The following ZNF624 variants were observed in gnomAD, a reference collection of about 807,000 sequenced individuals.
The protein encoded by ZNF624 is zinc finger protein 624.
In ZNF624, 43 loss-of-function variants were observed where a neutral mutation model predicts 74.7. That is an observed-to-expected ratio of 0.58 (90% confidence interval 0.45 to 0.74). ZNF624 has a LOEUF of 0.74. Ranked by LOEUF, ZNF624 falls within the 30% of genes least tolerant of loss-of-function variation. The pLI is 0.00. For synonymous variants in ZNF624, 331 were observed against 341.3 expected (o/e 0.97, Z 0.33); for missense variants, 820 against 1,030.0 (o/e 0.80, Z 2.79).
rs986875981 is a variant in ZNF624 at position 16,649,317 on chromosome 17, T to C, written c.87+341A>G. Reference sequence around the variant, plus strand: ...TATATTTTCCCCATAATTTCCTATATAAAATTTTCCAATTGAAAAATATTC... The same window carrying C: ...TATATTTTCCCCATAATTTCCTATACAAAATTTTCCAATTGAAAAATATTC... On this transcript the variant is annotated intron_variant, in intron 2 of 5. Transcript: ENST00000311331. Among the ~76,000 whole-genome samples the C allele has an allele frequency of 7.9e-5, 12 of 152,312 alleles. No homozygotes were observed. In the South Asian group the frequency reaches 1.4e-3, roughly 18 times the overall value.
At chr17:16,617,749 A>T (rs1229809199), downstream of ZNF624, 5 of 1,604,322 alleles carry the variant, frequency 3.1e-6, no homozygotes, top group Non-Finnish European at 4.3e-6. Context: ...GTGTCGCGGG[A>T]GTCCTCGAAC....
downstream of ZNF624, chr17:16,617,534 G>C: frequency 6.3e-7 from 1 of 1,580,168 alleles, no homozygotes; most frequent in South Asian, 1.1e-5. Context: ...AGACTAGAAA[G>C]ATTTTCTACA....
rs758983980 is a variant in ZNF624 at position 16,623,514 on chromosome 17, T to C, written c.1372A>G (p.Ile458Val). ...TGAATCCTCTGATGCACATTAAAAA[T>C]TGTGGTATTCTTAAAAGACTTCCCA... Reference protein sequence around the residue: ...ECGKSFKNTTIFNVHQRIHTG... With the variant: ...ECGKSFKNTTVFNVHQRIHTG... The change falls in exon 6 of 6, where the codon ATT becomes GTT. Residue 458 changes from isoleucine (I) to valine (V), a missense_variant. Transcript: ENST00000311331. This position sits in a 1 kb window ranked among gnomAD's most constrained non-coding sequence, Gnocchi z 5.3. 10 of 1,610,034 alleles carry C rather than the reference T, an allele frequency of 6.2e-6. No homozygotes were observed. The highest frequency in any genetic ancestry group is 8.5e-6 in the Non-Finnish European group (10 of 1,178,784).
In ZNF624 at chr17:16,622,165, T is replaced by C; in HGVS notation, c.*123A>G. 1 of 648,110 alleles carries C rather than the reference T, an allele frequency of 1.5e-6. No homozygotes were observed. 40.1% of individuals were successfully genotyped at this position (648,110 alleles called of 1,614,324 possible). A position where few individuals can be genotyped will look rare whatever the true frequency, so the allele number is the denominator to read the frequency against. ...ATTATTAAATGATTTCCCACATAAT[T>C]GCTTATAGTTTCTCTGTATACTTTC... On this transcript the variant is annotated 3_prime_UTR_variant, in exon 6 of 6. Coordinates refer to ENST00000311331, the MANE Select transcript of ZNF624 (RefSeq NM_020787.4).
At position 16,623,260 on chromosome 17, in the gene ZNF624, G is replaced by A; in HGVS notation, c.1626C>T (p.Cys542=). 6.2e-7 allele frequency: 1 copy of A among 1,613,748 alleles called. No homozygotes were observed. The highest frequency in any genetic ancestry group is 8.5e-7 in the Non-Finnish European group (1 of 1,179,828). Reference sequence around the variant, plus strand: ...TATGCATTCTGTGGTGTACAGTAAGGCATGAATAATTAATGAATGCTTTCC... The same window carrying A: ...TATGCATTCTGTGGTGTACAGTAAGACATGAATAATTAATGAATGCTTTCC... The part of the protein sequence containing the change: ...ECGKAFINYS[C]LTVHHRMHTG... Residue 542 remains cysteine (C), a synonymous_variant, in exon 6 of 6, where the codon TGC becomes TGT. Coordinates refer to ENST00000311331, the MANE Select transcript of ZNF624 (RefSeq NM_020787.4). This position sits in a 1 kb window ranked among gnomAD's most constrained non-coding sequence, Gnocchi z 5.3.
In ZNF624 at chr17:16,624,717, C is replaced by T. The variant is rs9907785; in HGVS notation, c.377-208G>A. On this transcript the variant is annotated intron_variant, in intron 5 of 5. Coordinates refer to ENST00000311331, the MANE Select transcript of ZNF624 (RefSeq NM_020787.4). ...AGTAGCAAATTCAATGAAACTTTCC[C>T]GTTAAAAAAGTCCATTCAGCTGGGC... 101,214 of 484,608 alleles carry T rather than the reference C, an allele frequency of 0.21. 11,802 individuals are homozygous for T. Among genetic ancestry groups the T allele is most frequent in the East Asian group, 0.36 (10,338 of 28,960 alleles). 30.0% of individuals were successfully genotyped at this position (484,608 alleles called of 1,614,324 possible). A position where few individuals can be genotyped will look rare whatever the true frequency, so the allele number is the denominator to read the frequency against.
intron 1 of ZNF624, among the ~76,000 whole-genome samples, chr17:16,651,131 T>C (rs1047384805): frequency 7.9e-5 from 12 of 151,658 alleles, no homozygotes; most frequent in African/African-American, 2.4e-4. Context: ...ATCAAGAAAA[T>C]ATGTAAATAT....
chr17:16,651,429 CAAAA>C (rs34186812), intron 1 of ZNF624, among the ~76,000 whole-genome samples: 2 of 84,378 alleles, frequency 2.4e-5, no homozygotes, highest in African/African-American at 3.9e-5. Context: ...GACTCCATCT[CAAAA>C]AAAAAAAAAA....
At chr17:16,647,523 G>A (rs1909622359) in intron 2 of ZNF624, 129 bp from the exon 3 acceptor site, 3 of 701,752 alleles carry the variant, frequency 4.3e-6, no homozygotes, top group East Asian at 2.5e-5. Context: ...GTTTTACTTA[G>A]GGCTGAAATC....
At chr17:16,640,276 A>G (rs1263346947) in intron 3 of ZNF624, among the ~76,000 whole-genome samples, 3 of 152,188 alleles carry the variant, frequency 2.0e-5, no homozygotes, top group African/African-American at 7.2e-5. Flanking sequence ...AACAGTGCTC[A>G]GAGGGAAATT....
intron 5 of ZNF624, among the ~76,000 whole-genome samples, chr17:16,625,545 T>TG (rs1472100564): frequency 6.6e-6 from 1 of 152,218 alleles, no homozygotes; most frequent in Non-Finnish European, 1.5e-5. Context: ...TCAAATTCAC[T>TG]GGCAGAGTAG....
intron 1 of ZNF624, among the ~76,000 whole-genome samples, chr17:16,652,324 T>C (rs999146423): frequency 6.6e-6 from 1 of 151,998 alleles, no homozygotes; most frequent in Non-Finnish European, 1.5e-5. Context: ...GCCAAGAATA[T>C]TGCCCCATCC....
In ZNF624 at chr17:16,647,097, C is replaced by T. The variant is rs139745678; in HGVS notation, c.153+232G>A. On this transcript the variant is annotated intron_variant, in intron 3 of 5. Coordinates refer to ENST00000311331, the MANE Select transcript of ZNF624 (RefSeq NM_020787.4). ...ACAATGCAGCACAAGCTTCAGACTACGTAATGATAGGATATTTTACCATTA... is the reference window on the plus strand; with the variant it reads ...ACAATGCAGCACAAGCTTCAGACTATGTAATGATAGGATATTTTACCATTA... Among the ~76,000 whole-genome samples the T allele has an allele frequency of 3.0e-3, 453 of 152,220 alleles. 3 individuals carry two copies. The highest frequency in any genetic ancestry group is 0.011 in the African/African-American group (440 of 41,532).
Position 16,622,340 on chromosome 17 carries a change from G to A in ZNF624, c.2546C>T (p.Ser849Leu), listed in dbSNP as rs759933008. 1.1e-5 allele frequency: 17 copies of A among 1,610,058 alleles called. No homozygotes were observed. Among genetic ancestry groups the A allele is most frequent in the East Asian group, 4.5e-5 (2 of 44,882 alleles). The change falls in exon 6 of 6, where the codon TCG becomes TTG. Residue 849 changes from serine to leucine, a missense_variant. Ser to Leu is a moderately radical substitution (Grantham distance 145). Coordinates refer to ENST00000311331, the MANE Select transcript of ZNF624 (RefSeq NM_020787.4). ...TATTCTTTGATGTACAGTAAGGCTC[G>A]AACTACTCCTGAAGGCTTTTCCACA... is the stretch of plus-strand genomic sequence containing the variant. Reference protein sequence around the residue: ...NECGKAFRSSSSLTVHQRIHQ... With the variant: ...NECGKAFRSSLSLTVHQRIHQ...
intron 3 of ZNF624, among the ~76,000 whole-genome samples, chr17:16,641,999 C>T (rs1021406255): frequency 2.0e-5 from 3 of 152,016 alleles, no homozygotes; most frequent in Admixed American, 2.0e-4. Flanking sequence ...CTGAAAGAAA[C>T]TAAAGAATAC....
rs79216753 is a variant in ZNF624 at position 16,624,638 on chromosome 17, G to A, written c.377-129C>T. 4.0e-4 allele frequency: 339 copies of A among 856,690 alleles called. 1 individual carries two copies. The African/African-American group carries it at 5.4e-3, about 14-fold the overall frequency. The allele number at this position is 856,690 out of a possible 1,614,324, so 53.1% of individuals were successfully genotyped here. A position where few individuals can be genotyped will look rare whatever the true frequency, so the allele number is the denominator to read the frequency against. ...GTTTTAATTGCTTTCACACTGACTT[G>A]TTTTTTAGTGAGAAGAAGGTAGGGT... On this transcript the variant is annotated intron_variant, in intron 5 of 5. Transcript: ENST00000311331.
the ZNF624 span, among the ~76,000 whole-genome samples, chr17:16,615,517 C>T: frequency 6.6e-6 from 1 of 152,056 alleles, no homozygotes; most frequent in Non-Finnish European, 1.5e-5. Context: ...TATTTTATGA[C>T]AATTTTTTAA....
At chr17:16,617,119 CG>C, downstream of ZNF624, 1 of 1,612,622 alleles carries the variant, frequency 6.2e-7, no homozygotes, top group African/African-American at 1.3e-5. Flanking sequence ...ATGGGAGCCC[CG>C]ATCAGACTTG....
At chr17:16,634,529 TA>T in intron 4 of ZNF624, 100 bp downstream of exon 4, 1 of 1,342,490 alleles carries the variant, frequency 7.4e-7, no homozygotes, top group Non-Finnish European at 1.0e-6. Context: ...AATGTGCCCC[TA>T]AAATCAAGTA....
Sources: allele counts gnomAD v4.1 joint callset (sites outside exome capture counted in the v4.1 genomes callset), GRCh38; gene constraint gnomAD v4.1.1; non-coding constraint Gnocchi (gnomAD v3.1); transcripts MANE v1.5; gene names NCBI Gene and HGNC (gene_info 2026-07-23, HGNC 2026-07-21).